The following ECD variants were observed in gnomAD, a reference collection of about 807,000 sequenced individuals.
The protein encoded by ECD is ecdysoneless cell cycle regulator.
Under a neutral mutation model 77.2 loss-of-function variants are expected in ECD, and 59 were observed. The observed-to-expected ratio is 0.76, with a 90% confidence interval of 0.62 to 0.95. The LOEUF (loss-of-function observed/expected upper bound fraction) is 0.95, where lower values mean the gene tolerates loss of function less well. Ranked by LOEUF, ECD falls within the 40% of genes least tolerant of loss-of-function variation. The pLI, the probability that ECD is intolerant of heterozygous loss-of-function variation, is 0.00. For synonymous variants in ECD, 233 were observed against 267.4 expected (o/e 0.87, Z 1.26); for missense variants, 704 against 763.4 (o/e 0.92, Z 0.92).
chr10:73,150,224 T>A (rs1843185160), intron 7 of ECD, among the ~76,000 whole-genome samples: 1 of 152,054 alleles, frequency 6.6e-6, no homozygotes, highest in Admixed American at 6.6e-5. Context: ...ATGCCACATA[T>A]CTACAACTAT....
At chr10:73,155,637 C>T (rs976864780) in intron 5 of ECD, among the ~76,000 whole-genome samples, 9 of 135,824 alleles carry the variant, frequency 6.6e-5, no homozygotes, top group East Asian at 4.4e-4. Context: ...TTCCTACTGT[C>T]GCCCAGGCTG....
intron 2 of ECD, 134 bp downstream of exon 2, chr10:73,163,599 G>C: frequency 3.9e-6 from 3 of 761,416 alleles, no homozygotes; most frequent in Non-Finnish European, 4.2e-6. Context: ...ATATAGACAA[G>C]TATTACTCAT....
At chr10:73,137,551 G>A (rs1222832289) in intron 12 of ECD, among the ~76,000 whole-genome samples, 4 of 152,044 alleles carry the variant, frequency 2.6e-5, no homozygotes, top group African/African-American at 4.8e-5. Context: ...TGAGATGGGC[G>A]GATCATGAGG....
chr10:73,152,392 T>A lies in ECD; in HGVS notation c.813A>T (p.Gln271His). 1 of 1,613,796 alleles carries A rather than the reference T, an allele frequency of 6.2e-7. No homozygotes were observed. The highest frequency in any genetic ancestry group is 8.5e-7 in the Non-Finnish European group (1 of 1,179,764). The change falls in exon 7 of 14, where the codon CAA (glutamine) becomes CAT (histidine). Residue 271 changes from glutamine (Q) to histidine (H), a missense_variant. By Grantham distance (24) the Gln-to-His change is conservative. This residue lies in a region of ECD where 559 missense variants were observed against 583.7 expected (regional missense o/e 0.96). Coordinates refer to ENST00000372979, the MANE Select transcript of ECD (RefSeq NM_007265.3). ...SVTFTKCLYA[Q>H]LVQQRFVPDR... ...CTGGCACAAACCTTTGTTGCACCAA[T>A]TGTGCATATAGACATTTAGTGAATG... is the stretch of plus-strand genomic sequence containing the variant.
chr10:73,162,268 C>T (rs142136363), intron 2 of ECD, among the ~76,000 whole-genome samples: 25 of 152,264 alleles, frequency 1.6e-4, no homozygotes, highest in African/African-American at 4.8e-4. Context: ...AGGGTCTACA[C>T]TGAAGCCAAA....
Position 73,160,597 on chromosome 10 carries a change from C to T in ECD, c.206-46G>A, listed in dbSNP as rs907421465. The T allele has an allele frequency of 3.6e-6, 5 of 1,376,988 alleles. No homozygotes were observed. The African/African-American group carries it at 5.8e-5, about 16-fold the overall frequency. 85.3% of individuals were successfully genotyped at this position (1,376,988 alleles called of 1,614,324 possible). On this transcript the variant is annotated intron_variant, in intron 2 of 13. Transcript: ENST00000372979. The stretch of plus-strand genomic sequence containing the variant: ...ACCATGTAACCAGATAAATTTGTTA[C>T]TGCAAATAAAATGCACATAATCATT...
chr10:73,158,225 C>T (rs1433955256), intron 3 of ECD, among the ~76,000 whole-genome samples: 1 of 151,856 alleles, frequency 6.6e-6, no homozygotes, highest in East Asian at 1.9e-4. Context: ...CTTCCCAAAG[C>T]GTTGGGATTA....
chr10:73,163,598 A>G, intron 2 of ECD, 135 bp downstream of exon 2: 1 of 745,264 alleles, frequency 1.3e-6, no homozygotes, highest in South Asian at 2.1e-5. Context: ...AATATAGACA[A>G]GTATTACTCA....
Position 73,168,006 on chromosome 10 carries a change from G to A in ECD, c.-154C>T. 1 of 331,828 alleles carries A rather than the reference G, an allele frequency of 3.0e-6. No homozygotes were observed. The highest frequency in any genetic ancestry group is 5.5e-6 in the Non-Finnish European group (1 of 180,418). The allele number at this position is 331,828 out of a possible 1,614,324, so 20.6% of individuals were successfully genotyped here. A position where few individuals can be genotyped will look rare whatever the true frequency, so the allele number is the denominator to read the frequency against. ...TCCCGACGCCTGACCGGAACCTGAA[G>A]CCAGCGGAAATCCTGAGAGAAAGTC... On this transcript the variant is annotated 5_prime_UTR_variant, in exon 1 of 14. Coordinates refer to ENST00000372979, the MANE Select transcript of ECD (RefSeq NM_007265.3).
At chr10:73,139,067 T>C (rs552748818) in intron 11 of ECD, among the ~76,000 whole-genome samples, 2 of 152,248 alleles carry the variant, frequency 1.3e-5, no homozygotes, top group South Asian at 4.1e-4. Context: ...GGTTTCCCTG[T>C]GTGGTTCTGG....
intron 3 of ECD, among the ~76,000 whole-genome samples, chr10:73,158,142 G>A (rs1001007309): frequency 6.6e-6 from 1 of 151,708 alleles, no homozygotes; most frequent in Admixed American, 6.6e-5. Context: ...TGTATTTTTA[G>A]TAGAGATGGG....
chr10:73,153,547 G>A (rs2133264298), intron 6 of ECD, among the ~76,000 whole-genome samples: 1 of 151,430 alleles, frequency 6.6e-6, no homozygotes, highest in African/African-American at 2.4e-5. Flanking sequence ...GACCAGTCTG[G>A]CCAACATGGC....
At chr10:73,162,815 G>C (rs928016148) in intron 2 of ECD, among the ~76,000 whole-genome samples, 1 of 152,178 alleles carries the variant, frequency 6.6e-6, no homozygotes, top group Non-Finnish European at 1.5e-5. Context: ...GACTACTTAA[G>C]GGTATATGTC....
chr10:73,152,818 A>C (rs560529416), intron 6 of ECD, among the ~76,000 whole-genome samples: 63 of 151,846 alleles, frequency 4.1e-4, no homozygotes, highest in African/African-American at 1.5e-3. Context: ...AGGCTGAAGC[A>C]GGAGAATTGC....
In ECD at chr10:73,146,339, T is replaced by C. The variant is rs1015700289; in HGVS notation, c.1064A>G (p.Gln355Arg). The C allele has an allele frequency of 1.2e-6, 2 of 1,608,268 alleles. No individual in the cohort carries two copies. The highest frequency in any genetic ancestry group is 2.7e-5 in the African/African-American group (2 of 74,594). ...TGCCATTTCTAGCCTTTCCCGGTAC[T>C]GAGCAGAACCTTCTATCAGTCCCTT... ...YFKGLIEGSA[Q>R]YRERLEMAEN... is the part of the protein sequence containing the mutation. Residue 355 changes from glutamine to arginine, a missense_variant, in exon 9 of 14, where the codon CAG becomes CGG. Gln to Arg is a conservative substitution (Grantham distance 43, BLOSUM62 1). This residue lies in a region of ECD where 559 missense variants were observed against 583.7 expected (regional missense o/e 0.96). Transcript: ENST00000372979.
chr10:73,156,539 A>G (rs757271393), intron 4 of ECD, 29 bp downstream of exon 4: 1 of 1,613,364 alleles, frequency 6.2e-7, no homozygotes, highest in Non-Finnish European at 8.5e-7. Context: ...TTTCATCTCT[A>G]TAAATTTTCT....
intron 6 of ECD, among the ~76,000 whole-genome samples, chr10:73,153,979 A>G (rs139229788): frequency 1.3e-5 from 2 of 152,300 alleles, no homozygotes; most frequent in African/African-American, 4.8e-5. Context: ...CAGAATTTTC[A>G]GATTTGGGAT....
intron 2 of ECD, among the ~76,000 whole-genome samples, 197 bp downstream of exon 2, chr10:73,163,536 G>C (rs1843407900): frequency 6.6e-6 from 1 of 152,110 alleles, no homozygotes. Context: ...GGCAAATTTA[G>C]AAAGTTTTCA....
chr10:73,136,737 G>A lies in ECD; in HGVS notation c.1671C>T (p.Cys557=). The change falls in exon 13 of 14, where the codon TGC becomes TGT. Residue 557 remains cysteine, a synonymous_variant. Coordinates refer to ENST00000372979, the MANE Select transcript of ECD (RefSeq NM_007265.3). The stretch of plus-strand genomic sequence containing the variant: ...TCCTAGTGGTGAAACTTTTGCTGAT[G>A]CAGGTGTGTGCTAGTTCCTGGTCCA... ...AQMDQELAHT[C]ISKSFTTRNQ... 2 of 1,613,992 alleles carry A rather than the reference G, an allele frequency of 1.2e-6. No homozygotes were observed. Among genetic ancestry groups the A allele is most frequent in the Non-Finnish European group, 1.7e-6 (2 of 1,179,956 alleles).
Sources: allele counts gnomAD v4.1 joint callset (sites outside exome capture counted in the v4.1 genomes callset), GRCh38; gene constraint gnomAD v4.1.1; regional missense constraint gnomAD v4.1.1; transcripts MANE v1.5; gene names NCBI Gene and HGNC (gene_info 2026-07-23, HGNC 2026-07-21).